The following TLK1 variants were observed in gnomAD, a reference collection of about 807,000 sequenced individuals.
TLK1 encodes the protein serine/threonine-protein kinase tousled-like 1.
A neutral mutation model predicts 105.3 loss-of-function variants in TLK1; 24 were observed. The ratio of observed to expected loss-of-function variants is 0.23; its 90% confidence interval spans 0.17 to 0.32. The LOEUF is 0.32. TLK1 is among the 10% of genes least tolerant of loss of function. The pLI, the probability that TLK1 is intolerant of heterozygous loss-of-function variation, is 1.00. For missense variants in TLK1, 558 were observed against 910.5 expected, an observed-to-expected ratio of 0.61 and a Z score of 4.98; for synonymous variants, 321 against 310.4, an observed-to-expected ratio of 1.03 and a Z score of -0.36.
intron 11 of TLK1, among the ~76,000 whole-genome samples, chr2:171,043,575 C>T (rs1055834100): frequency 1.3e-5 from 2 of 151,888 alleles, no homozygotes; most frequent in Non-Finnish European, 2.9e-5. Flanking sequence ...AAAATTGAAG[C>T]GGGAAGAGGG....
At chr2:171,153,537 C>T (rs913730282) in intron 1 of TLK1, among the ~76,000 whole-genome samples, 7 of 152,088 alleles carry the variant, frequency 4.6e-5, no homozygotes, top group African/African-American at 1.2e-4. Context: ...ACTGAAAATA[C>T]GAAAATGAAC....
chr2:171,184,811 T>C (rs1159695550), intron 1 of TLK1, among the ~76,000 whole-genome samples: 1 of 151,808 alleles, frequency 6.6e-6, no homozygotes, highest in African/African-American at 2.4e-5. Context: ...AGAAAGGATC[T>C]CTTTTCACCA....
chr2:171,165,907 T>C (rs1692600685), intron 1 of TLK1, among the ~76,000 whole-genome samples: 3 of 151,932 alleles, frequency 2.0e-5, no homozygotes, highest in African/African-American at 7.3e-5. Flanking sequence ...GGAGACCCCA[T>C]CTCAAAAAAA....
At chr2:171,026,344 G>T (rs1685773069) in intron 12 of TLK1, among the ~76,000 whole-genome samples, 1 of 152,064 alleles carries the variant, frequency 6.6e-6, no homozygotes, top group Admixed American at 6.6e-5. Flanking sequence ...ACAGAAACCA[G>T]TATTTTCAAA....
At chr2:171,154,911 T>C (rs1260239558) in intron 1 of TLK1, among the ~76,000 whole-genome samples, 2 of 152,168 alleles carry the variant, frequency 1.3e-5, no homozygotes, top group South Asian at 2.1e-4. Context: ...TGAGAATTTA[T>C]GCTTAAATTC....
intron 1 of TLK1, among the ~76,000 whole-genome samples, chr2:171,229,060 C>T (rs189316162): frequency 1.3e-4 from 20 of 152,278 alleles, no homozygotes; most frequent in African/African-American, 4.6e-4. Context: ...ATAAGACACA[C>T]CTCTCCACCT....
chr2:171,024,447 A>T (rs188640773), intron 12 of TLK1, among the ~76,000 whole-genome samples: 2 of 152,220 alleles, frequency 1.3e-5, no homozygotes, highest in Admixed American at 6.5e-5. Flanking sequence ...TTAACTTAAA[A>T]CTGTTCTCCT....
chr2:171,049,733 A>G, intron 10 of TLK1, 81 bp downstream of exon 10: 1 of 1,547,296 alleles, frequency 6.5e-7, no homozygotes, highest in Non-Finnish European at 8.8e-7. Context: ...ACTGGAGAGC[A>G]TAATTACAAA....
Position 171,194,613 on chromosome 2 carries a change from C to T in TLK1, c.-6+36532G>A, listed in dbSNP as rs564875562. On this transcript the variant is annotated intron_variant, in intron 1 of 20. Transcript: ENST00000521943. ...CGGGCGGATCACGAGGTCAGGAGAT[C>T]GAGACCATCCTGGCTAACACGGTGA... Among the ~76,000 whole-genome samples, 25 of 151,578 alleles carry T rather than the reference C, an allele frequency of 1.6e-4. No homozygotes were observed. The East Asian group carries it at 4.6e-3, about 28-fold the overall frequency.
At chr2:171,214,916 G>A (rs1249064265) in intron 1 of TLK1, among the ~76,000 whole-genome samples, 1 of 151,876 alleles carries the variant, frequency 6.6e-6, no homozygotes, top group Non-Finnish European at 1.5e-5. Flanking sequence ...GCCTGACTCC[G>A]CCTGCAATCA....
At chr2:171,151,327 C>T (rs1430078712) in intron 1 of TLK1, among the ~76,000 whole-genome samples, 3 of 151,882 alleles carry the variant, frequency 2.0e-5, no homozygotes, top group African/African-American at 7.3e-5. Flanking sequence ...CCCTTGGATA[C>T]ATTACTTAAC....
intron 2 of TLK1, among the ~76,000 whole-genome samples, chr2:171,116,263 T>C (rs1386991917): frequency 6.6e-6 from 1 of 152,126 alleles, no homozygotes. Context: ...TTACGATGTA[T>C]GAAGTCAACA....
chr2:171,120,873 C>G (rs190895293), intron 1 of TLK1, among the ~76,000 whole-genome samples: 61 of 152,182 alleles, frequency 4.0e-4, no homozygotes, highest in African/African-American at 1.4e-3. Context: ...TTCACATTAG[C>G]CTAAAGGTAG....
chr2:171,126,652 T>TA (rs1690878817), intron 1 of TLK1, among the ~76,000 whole-genome samples: 1 of 152,106 alleles, frequency 6.6e-6, no homozygotes, highest in Admixed American at 6.5e-5. Context: ...GTTTTTTCAC[T>TA]AAGAGCTTTC....
intron 1 of TLK1, among the ~76,000 whole-genome samples, chr2:171,131,114 TAG>T (rs568652382): frequency 6.6e-6 from 1 of 151,544 alleles, no homozygotes; most frequent in Non-Finnish European, 1.5e-5. Context: ...TATCTATATA[TAG>T]AGAGAGATAC....
At chr2:171,142,037 C>A (rs1691598149) in intron 1 of TLK1, among the ~76,000 whole-genome samples, 1 of 152,024 alleles carries the variant, frequency 6.6e-6, no homozygotes, top group Non-Finnish European at 1.5e-5. Context: ...TTAATGTTTT[C>A]TAATGTTGCT....
In TLK1 at chr2:171,016,307, A is replaced by AT. The variant is rs539587706; in HGVS notation, c.1237-1360dup. Among the ~76,000 whole-genome samples, 8 of 152,054 alleles carry AT rather than the reference A, an allele frequency of 5.3e-5. No individual in the cohort carries two copies. In the East Asian group the frequency reaches 9.7e-4, roughly 18 times the overall value. On this transcript the variant is annotated intron_variant, in intron 12 of 20. Coordinates refer to ENST00000431350, the MANE Select transcript of TLK1 (RefSeq NM_012290.5). ...CAGGCATGCGCCACCACACCTGGCT[A>AT]TTTTTTTGTAGAGATGGGGTCTCAC...
chr2:171,072,347 C>T (rs1224869223), intron 3 of TLK1, among the ~76,000 whole-genome samples: 2 of 152,212 alleles, frequency 1.3e-5, no homozygotes, highest in African/African-American at 4.8e-5. Flanking sequence ...GGTGCGGTGG[C>T]TCACGCCCAT....
chr2:171,160,652 G>A lies in TLK1; in HGVS notation c.-224C>T. 1 of 646,020 alleles carries A rather than the reference G, an allele frequency of 1.5e-6. No individual in the cohort carries two copies. Among genetic ancestry groups the A allele is most frequent in the Non-Finnish European group, 2.4e-6 (1 of 411,912 alleles). The allele number at this position is 646,020 out of a possible 1,614,324, so 40.0% of individuals were successfully genotyped here. A position where few individuals can be genotyped will look rare whatever the true frequency, so the allele number is the denominator to read the frequency against. ...ACAGGGAGGAGGGAAAGGGGGAGAA[G>A]CGAGGGAGCGAGCGGGCGCGCCAGA... On this transcript the variant is annotated 5_prime_UTR_variant, in exon 1 of 21. Transcript: ENST00000431350. This position sits in a 1 kb window ranked among gnomAD's most constrained non-coding sequence, Gnocchi z 4.4.
Sources: gnomAD v4.1 joint callset for allele counts (sites outside exome capture counted in the v4.1 genomes callset) on GRCh38, gnomAD v4.1.1 for gene constraint, Gnocchi (gnomAD v3.1) non-coding constraint, MANE v1.5 for transcripts, NCBI Gene and HGNC (gene_info 2026-07-23, HGNC 2026-07-21) for gene names.